The following CDH18 variants were observed in gnomAD, a reference collection of about 807,000 sequenced individuals.
CDH18 encodes cadherin 18, also known as cadherin-18.
A neutral mutation model predicts 67.9 loss-of-function variants in CDH18; 31 were observed. The ratio of observed to expected loss-of-function variants is 0.46; its 90% confidence interval spans 0.34 to 0.62. The LOEUF (loss-of-function observed/expected upper bound fraction) is 0.62, where lower values mean the gene tolerates loss of function less well. Ranked by LOEUF, CDH18 falls within the 20% of genes least tolerant of loss-of-function variation. The pLI, the probability that CDH18 is intolerant of heterozygous loss-of-function variation, is 0.01. For synonymous variants in CDH18, 362 were observed against 347.2 expected (o/e 1.04, Z -0.48); for missense variants, 890 against 975.5 (o/e 0.91, Z 1.17).
intron 2 of CDH18, among the ~76,000 whole-genome samples, chr5:19,904,521 G>A (rs1440094005): frequency 6.6e-6 from 1 of 151,974 alleles, no homozygotes; most frequent in Non-Finnish European, 1.5e-5. Flanking sequence ...TTAGGGAAAT[G>A]TTATTATCAG....
chr5:19,965,550 T>C lies in CDH18; in HGVS notation c.-257+15510A>G, dbSNP rs1189105714. On this transcript the variant is annotated intron_variant, in intron 2 of 12. Coordinates refer to ENST00000382275, the MANE Select transcript of CDH18 (RefSeq NM_004934.5). ...TTTGTAGATTTAATAAATAGCATTA[T>C]ATGTTAGCAAAATATCTATTAAAGT... is the stretch of plus-strand genomic sequence containing the variant. 3.9e-5 allele frequency among the ~76,000 whole-genome samples: 6 copies of C among 152,218 alleles called. No homozygotes were observed. The East Asian group carries it at 1.2e-3, about 29-fold the overall frequency.
intron 1 of CDH18, among the ~76,000 whole-genome samples, chr5:20,371,670 C>T (rs1743012065): frequency 6.6e-6 from 1 of 152,128 alleles, no homozygotes; most frequent in Non-Finnish European, 1.5e-5. Context: ...GACATAAGAA[C>T]GTTCACATGC....
chr5:19,747,614 T>A (rs2150735744), intron 3 of CDH18, among the ~76,000 whole-genome samples: 1 of 152,208 alleles, frequency 6.6e-6, no homozygotes, highest in South Asian at 2.1e-4. Flanking sequence ...TATATTTGGT[T>A]TTAATTATTT....
intron 1 of CDH18, among the ~76,000 whole-genome samples, chr5:20,434,153 G>A (rs1748986344): frequency 1.3e-5 from 2 of 152,038 alleles, no homozygotes; most frequent in Non-Finnish European, 2.9e-5. Context: ...GGTAAGGCAG[G>A]TCCTACATCT....
At chr5:19,602,904 G>T (rs1179861646) in intron 6 of CDH18, among the ~76,000 whole-genome samples, 1 of 152,236 alleles carries the variant, frequency 6.6e-6, no homozygotes, top group South Asian at 2.1e-4. Flanking sequence ...GGCGGAGGGT[G>T]CAGTGAGCCA....
chr5:20,441,076 T>A (rs1749569938), intron 1 of CDH18, among the ~76,000 whole-genome samples: 1 of 151,848 alleles, frequency 6.6e-6, no homozygotes, highest in Admixed American at 6.6e-5. Context: ...TGAGTCTGGA[T>A]AATGGGAATC....
intron 1 of CDH18, among the ~76,000 whole-genome samples, chr5:20,256,410 TA>T (rs1311806527): frequency 6.6e-6 from 1 of 152,082 alleles, no homozygotes; most frequent in East Asian, 1.9e-4. Context: ...CTAAAACTGA[TA>T]AAAATTACAC....
chr5:20,057,610 A>G (rs1742107963), intron 2 of CDH18, among the ~76,000 whole-genome samples: 1 of 152,166 alleles, frequency 6.6e-6, no homozygotes, highest in Non-Finnish European at 1.5e-5. Context: ...TTAAAATTGC[A>G]TTTATCACAC....
intron 8 of CDH18, among the ~76,000 whole-genome samples, chr5:19,546,937 T>C (rs1736427495): frequency 1.3e-5 from 2 of 152,110 alleles, no homozygotes; most frequent in Admixed American, 6.6e-5. Flanking sequence ...GAAAAAAGTT[T>C]AACATAAAAA....
At chr5:19,800,389 T>A (rs923764184) in intron 3 of CDH18, among the ~76,000 whole-genome samples, 1 of 152,184 alleles carries the variant, frequency 6.6e-6, no homozygotes, top group Non-Finnish European at 1.5e-5. Context: ...GTAATTTTTT[T>A]AAGAACAATA....
intron 6 of CDH18, among the ~76,000 whole-genome samples, chr5:19,603,515 T>C (rs1253781076): frequency 1.3e-5 from 2 of 152,044 alleles, no homozygotes; most frequent in Non-Finnish European, 2.9e-5. Flanking sequence ...AGGATAAATA[T>C]TATTGTATAT....
At chr5:20,208,425 G>T (rs543501465) in intron 2 of CDH18, among the ~76,000 whole-genome samples, 1 of 138,906 alleles carries the variant, frequency 7.2e-6, no homozygotes, top group Admixed American at 7.3e-5. Flanking sequence ...TGAGATTTGT[G>T]TGGGGACACA....
At chr5:20,044,207 T>C (rs924424378) in intron 2 of CDH18, among the ~76,000 whole-genome samples, 1 of 152,114 alleles carries the variant, frequency 6.6e-6, no homozygotes, top group African/African-American at 2.4e-5. Context: ...TAAGTGCCTA[T>C]TAAATGTACA....
intron 2 of CDH18, among the ~76,000 whole-genome samples, chr5:20,025,086 C>CTGTT (rs1738775917): frequency 6.6e-6 from 1 of 152,168 alleles, no homozygotes; most frequent in African/African-American, 2.4e-5. Context: ...CCAAAATAGC[C>CTGTT]TGTTACTCTT....
chr5:19,473,495 G>A lies in CDH18; in HGVS notation c.2104C>T (p.Gln702Ter), dbSNP rs560125989. 6.2e-7 allele frequency: 1 copy of A among 1,613,744 alleles called. No individual in the cohort carries two copies. The highest frequency in any genetic ancestry group is 1.1e-5 in the South Asian group (1 of 91,066). The change falls in exon 13 of 13, where the codon CAG (glutamine) becomes TAG (stop). Residue 702 changes from glutamine (Q) to a stop codon, truncating the protein, a stop_gained. Coordinates refer to ENST00000382275, the MANE Select transcript of CDH18 (RefSeq NM_004934.5). LOFTEE classifies it high-confidence loss of function. The stretch of plus-strand genomic sequence containing the variant: ...ATGCTTTCCAGGGTGGATGATGTCT[G>A]GTGTCTGGGAGTGAGCTTCACTTCA... Reference protein sequence around the residue: ...RPEVKLTPRHQTSSTLESIDV... With the variant: ...RPEVKLTPRH
In CDH18 at chr5:20,450,901, C is replaced by T. The variant is rs375629626; in HGVS notation, c.-580+124561G>A. On this transcript the variant is annotated intron_variant, in intron 1 of 14. Coordinates refer to the CDH18 transcript ENST00000507958. ...GGAAGGTAAATGCCGAGCAAAGTCA[C>T]GTCTTACATGGCAGCAGGCAAGAGA... 3.6e-4 allele frequency among the ~76,000 whole-genome samples: 55 copies of T among 152,232 alleles called. 1 individual carries two copies. The highest frequency in any genetic ancestry group is 1.5e-3 in the South Asian group (7 of 4,824).
At chr5:20,298,339 G>A (rs900918372) in intron 1 of CDH18, among the ~76,000 whole-genome samples, 1 of 152,158 alleles carries the variant, frequency 6.6e-6, no homozygotes, top group Non-Finnish European at 1.5e-5. Context: ...GTGCAACAGA[G>A]AGTGATGGAA....
In CDH18 at chr5:20,326,125, C is replaced by G. The variant is rs553870147; in HGVS notation, c.-579-70620G>C. Among the ~76,000 whole-genome samples the G allele has an allele frequency of 3.2e-4, 48 of 152,300 alleles. 1 individual carries two copies. Among genetic ancestry groups the G allele is most frequent in the African/African-American group, 1.1e-3 (45 of 41,580 alleles). Reference sequence around the variant, plus strand: ...GATAGCTTTAATAACCATCTAAAATCTCATCCAAGTCATTAGTTCTCAACT... The same window carrying G: ...GATAGCTTTAATAACCATCTAAAATGTCATCCAAGTCATTAGTTCTCAACT... On this transcript the variant is annotated intron_variant, in intron 1 of 14. Coordinates refer to the CDH18 transcript ENST00000507958.
At chr5:20,381,685 T>C (rs1473517996) in intron 1 of CDH18, among the ~76,000 whole-genome samples, 2 of 152,196 alleles carry the variant, frequency 1.3e-5, no homozygotes, top group African/African-American at 2.4e-5. Flanking sequence ...ATAAAATAAA[T>C]GAGAGTCTCC....
Sources: gnomAD v4.1 joint callset for allele counts (sites outside exome capture counted in the v4.1 genomes callset) on GRCh38, gnomAD v4.1.1 for gene constraint, MANE v1.5 for transcripts, NCBI Gene and HGNC (gene_info 2026-07-23, HGNC 2026-07-21) for gene names.